The following FLACC1 variants were observed in gnomAD, a reference collection of about 807,000 sequenced individuals.
FLACC1 encodes the protein flagellum-associated coiled-coil domain-containing protein 1.
A neutral mutation model predicts 62.8 loss-of-function variants in FLACC1; 66 were observed. The observed-to-expected ratio is 1.05, with a 90% CI of 0.86 to 1.29. FLACC1 has a LOEUF of 1.29. Ranked by LOEUF, FLACC1 falls within the 50% of genes most tolerant of loss-of-function variation. FLACC1 has a pLI of 0.00. For synonymous variants in FLACC1, 156 were observed against 161.0 expected (o/e 0.97, Z 0.24); for missense variants, 452 against 489.1 (o/e 0.92, Z 0.71).
chr2:201,314,481 A>G (rs1387846081), intron 9 of FLACC1, among the ~76,000 whole-genome samples: 1 of 152,172 alleles, frequency 6.6e-6, no homozygotes, highest in Non-Finnish European at 1.5e-5. Context: ...ACCCAATCCA[A>G]CAAAGACAAA....
intron 9 of FLACC1, among the ~76,000 whole-genome samples, chr2:201,317,922 T>C (rs566915489): frequency 1.5e-4 from 23 of 152,056 alleles, no homozygotes; most frequent in Admixed American, 1.4e-3. Flanking sequence ...AACAGAACAG[T>C]GAACTCAGAA....
chr2:201,342,425 T>G lies in FLACC1; in HGVS notation c.469A>C (p.Ser157Arg). 6.2e-7 allele frequency: 1 copy of G among 1,614,190 alleles called. No homozygotes were observed. The highest frequency in any genetic ancestry group is 8.5e-7 in the Non-Finnish European group (1 of 1,180,024). The change falls in exon 7 of 15, where the codon AGT (serine) becomes CGT (arginine). Residue 157 changes from serine (S) to arginine (R), a missense_variant. Coordinates refer to ENST00000392257, the MANE Select transcript of FLACC1 (RefSeq NM_001127391.3). ...DHQSAQKLLS[S>R]EMDLRCAEMK... ...TCAGCACAGCGGAGATCCATTTCAC[T>G]GGAGAGCTGGAAACAAAATCAGCAT...
At position 201,346,401 on chromosome 2, in the gene FLACC1, G is replaced by A; in HGVS notation, c.368+141C>T. On this transcript the variant is annotated intron_variant, in intron 5 of 14. Transcript: ENST00000392257. This position sits in a 1 kb window ranked among gnomAD's most constrained non-coding sequence, Gnocchi z 4.0. ...TGCATCATCAGGAAGCAGGGGCGAGGAGGGAGGTGCCCTTGCGGCCCCTCC... is the reference window on the plus strand; with the variant it reads ...TGCATCATCAGGAAGCAGGGGCGAGAAGGGAGGTGCCCTTGCGGCCCCTCC... 2 of 1,171,262 alleles carry A rather than the reference G, an allele frequency of 1.7e-6. No individual in the cohort carries two copies. The highest frequency in any genetic ancestry group is 2.4e-6 in the Non-Finnish European group (2 of 833,012). 72.6% of individuals were successfully genotyped at this position (1,171,262 alleles called of 1,614,324 possible).
upstream of FLACC1, among the ~76,000 whole-genome samples, chr2:201,357,618 T>A (rs568583139): frequency 2.6e-4 from 39 of 152,350 alleles, no homozygotes; most frequent in Middle Eastern, 6.8e-3. Flanking sequence ...ACAGCACTTT[T>A]AGGCTTCATT....
intron 1 of FLACC1, 118 bp from the exon 2 acceptor site, chr2:201,351,569 T>C: frequency 3.3e-6 from 2 of 614,680 alleles, no homozygotes; most frequent in Non-Finnish European, 5.8e-6. Flanking sequence ...CAGAAGCTGT[T>C]GATCTGGTGC....
intron 9 of FLACC1, among the ~76,000 whole-genome samples, chr2:201,320,042 C>A (rs559935948): frequency 6.6e-6 from 1 of 152,322 alleles, no homozygotes; most frequent in East Asian, 1.9e-4. Flanking sequence ...AAGCCCTAAC[C>A]CTATGCAGCA....
chr2:201,294,474 G>A (rs144809101), intron 12 of FLACC1, among the ~76,000 whole-genome samples: 38 of 152,122 alleles, frequency 2.5e-4, no homozygotes, highest in East Asian at 1.5e-3. Context: ...TTCGAAAACC[G>A]TTCATGCTAA....
Position 201,346,827 on chromosome 2 carries a change from T to G in FLACC1, c.235-152A>C. 1.1e-6 allele frequency: 1 copy of G among 913,238 alleles called. No individual in the cohort carries two copies. The allele number at this position is 913,238 out of a possible 1,614,324, so 56.6% of individuals were successfully genotyped here. The stretch of plus-strand genomic sequence containing the variant: ...TGGGCCCTTCACCCATTATAGCTCA[T>G]TCTCACATCTCTCCGACTCAAATCT... On this transcript the variant is annotated intron_variant, in intron 4 of 14. Transcript: ENST00000392257. The surrounding 1 kb of genome is among the most constrained non-coding windows in gnomAD (Gnocchi z 4.0).
chr2:201,301,539 T>G (rs1022397841), intron 11 of FLACC1, among the ~76,000 whole-genome samples: 3 of 152,230 alleles, frequency 2.0e-5, no homozygotes, highest in South Asian at 2.1e-4. Context: ...TTCCCCAACC[T>G]AGCAAGGCAG....
In FLACC1 at chr2:201,330,527, A is replaced by C; in HGVS notation, c.623-5T>G. Reference sequence around the variant, plus strand: ...TGTATTCTTTTCCCATCTCCTCTGGATAAAAGGAAAACAACAGGATCATCA... The same window carrying C: ...TGTATTCTTTTCCCATCTCCTCTGGCTAAAAGGAAAACAACAGGATCATCA... On this transcript the variant is annotated splice_polypyrimidine_tract_variant and splice_region_variant and intron_variant, in intron 8 of 14. Coordinates refer to ENST00000392257, the MANE Select transcript of FLACC1 (RefSeq NM_001127391.3). The C allele has an allele frequency of 6.2e-7, 1 of 1,613,332 alleles. No homozygotes were observed. Among genetic ancestry groups the C allele is most frequent in the Admixed American group, 1.7e-5 (1 of 59,864 alleles).
intron 7 of FLACC1, among the ~76,000 whole-genome samples, chr2:201,338,720 T>G (rs1950745462): frequency 2.0e-5 from 3 of 152,244 alleles, no homozygotes; most frequent in Admixed American, 2.0e-4. Flanking sequence ...TTTATTGATT[T>G]TCATAAGCTG....
At chr2:201,301,365 A>G (rs1370775288) in intron 11 of FLACC1, among the ~76,000 whole-genome samples, 1 of 152,222 alleles carries the variant, frequency 6.6e-6, no homozygotes, top group Non-Finnish European at 1.5e-5. Flanking sequence ...ATGAAGCAAG[A>G]AGAGAAGTTT....
rs187934300 is a variant in FLACC1, at chr2:201,330,341, C to A, written c.675+129G>T. On this transcript the variant is annotated intron_variant, in intron 9 of 14. Coordinates refer to ENST00000392257, the MANE Select transcript of FLACC1 (RefSeq NM_001127391.3). The stretch of plus-strand genomic sequence containing the variant: ...TCCTCCCCCTGGGTGCAGCTAGTGC[C>A]ACTTAGGTCTAAGGATGCTGGGAAT... 7.0e-5 allele frequency: 61 copies of A among 869,256 alleles called. No homozygotes were observed. The East Asian group carries it at 1.2e-3, about 17-fold the overall frequency. The allele number at this position is 869,256 out of a possible 1,614,324, so 53.8% of individuals were successfully genotyped here.
At chr2:201,291,470 C>A (rs1023381506) in intron 12 of FLACC1, among the ~76,000 whole-genome samples, 1 of 152,226 alleles carries the variant, frequency 6.6e-6, no homozygotes, top group Non-Finnish European at 1.5e-5. Context: ...AGGGTCCTGA[C>A]TGTTAGAAGG....
intron 12 of FLACC1, among the ~76,000 whole-genome samples, chr2:201,297,742 A>G (rs762644293): frequency 3.9e-5 from 6 of 152,278 alleles, no homozygotes; most frequent in Middle Eastern, 3.4e-3. Flanking sequence ...GCCTCTTCAG[A>G]TTCTCCTTCA....
intron 6 of FLACC1, among the ~76,000 whole-genome samples, chr2:201,343,828 C>T (rs1435879798): frequency 6.6e-6 from 1 of 152,216 alleles, no homozygotes; most frequent in Non-Finnish European, 1.5e-5. Context: ...GTGAGAGCCT[C>T]ACAAGCTCTG....
intron 7 of FLACC1, among the ~76,000 whole-genome samples, chr2:201,337,507 A>C (rs929130841): frequency 1.3e-5 from 2 of 151,996 alleles, no homozygotes; most frequent in Admixed American, 6.6e-5. Flanking sequence ...TTATATGTCT[A>C]TTTTTATACT....
At chr2:201,335,532 G>T (rs1950676462) in intron 7 of FLACC1, among the ~76,000 whole-genome samples, 1 of 151,996 alleles carries the variant, frequency 6.6e-6, no homozygotes, top group Admixed American at 6.6e-5. Context: ...CTGTTCCATT[G>T]GTCTATGTGT....
upstream of FLACC1, among the ~76,000 whole-genome samples, chr2:201,360,662 A>G (rs897017721): frequency 6.6e-6 from 1 of 152,216 alleles, no homozygotes; most frequent in Non-Finnish European, 1.5e-5. Flanking sequence ...AGCCACAGGA[A>G]TCCCGTGAAA....
Sources: gnomAD v4.1 joint callset for allele counts (sites outside exome capture counted in the v4.1 genomes callset) on GRCh38, gnomAD v4.1.1 for gene constraint, Gnocchi (gnomAD v3.1) non-coding constraint, MANE v1.5 for transcripts, NCBI Gene and HGNC (gene_info 2026-07-23, HGNC 2026-07-21) for gene names.